The following MECOM variants were observed in gnomAD, a reference collection of about 807,000 sequenced individuals.
MECOM encodes histone-lysine N-methyltransferase MECOM.
Under a neutral mutation model 116.3 loss-of-function variants are expected in MECOM, and 13 were observed. The observed-to-expected ratio is 0.11, with a 90% CI of 0.07 to 0.18. MECOM has a LOEUF of 0.18. Among genes scored for constraint, MECOM ranks in the 10% least tolerant of loss-of-function variants. MECOM has a pLI of 1.00. For synonymous variants in MECOM, 528 were observed against 535.2 expected, an observed-to-expected ratio of 0.99 and a Z score of 0.19; for missense variants, 1,299 against 1,509.0, an observed-to-expected ratio of 0.86 and a Z score of 2.31.
At chr3:169,635,831 A>G (rs1772678845) in intron 1 of MECOM, among the ~76,000 whole-genome samples, 3 of 152,220 alleles carry the variant, frequency 2.0e-5, no homozygotes, top group African/African-American at 2.4e-5. Context: ...ATAATGCCAG[A>G]TTTTTAGAAG....
rs577854588 is a variant in MECOM at position 169,534,796 on chromosome 3, G to C, written c.37+128540C>G. Among the ~76,000 whole-genome samples, 33 of 152,236 alleles carry C rather than the reference G, an allele frequency of 2.2e-4. 1 individual carries two copies. The highest frequency in any genetic ancestry group is 7.2e-4 in the African/African-American group (30 of 41,538). On this transcript the variant is annotated intron_variant, in intron 1 of 16. Coordinates refer to ENST00000651503, the MANE Select transcript of MECOM (RefSeq NM_004991.4). ...GAGGAGGAAACTGAGGAACAAAAAGGCTAGACCACTTGTACAAGTGGGATG... is the reference window on the plus strand; with the variant it reads ...GAGGAGGAAACTGAGGAACAAAAAGCCTAGACCACTTGTACAAGTGGGATG...
intron 2 of MECOM, among the ~76,000 whole-genome samples, chr3:169,280,061 A>G (rs1346467514): frequency 6.6e-6 from 1 of 152,232 alleles, no homozygotes; most frequent in Non-Finnish European, 1.5e-5. Flanking sequence ...TGGGCCAGCT[A>G]ACATTATCAG....
Position 169,511,633 on chromosome 3 carries a change from G to A in MECOM, c.38-130109C>T, listed in dbSNP as rs577968081. 3.9e-5 allele frequency among the ~76,000 whole-genome samples: 6 copies of A among 152,096 alleles called. No individual in the cohort carries two copies. The East Asian group carries it at 1.2e-3, about 29-fold the overall frequency. ...ACGAAAATTAGCTGGGTGTGATGGT[G>A]GGCGCTTGTAGTCCCAGCTACTCAA... On this transcript the variant is annotated intron_variant, in intron 1 of 16. Transcript: ENST00000651503.
chr3:169,139,213 G>A (rs1577125943), intron 3 of MECOM, among the ~76,000 whole-genome samples: 1 of 151,920 alleles, frequency 6.6e-6, no homozygotes, highest in Admixed American at 6.6e-5. Context: ...ATCTCTTATC[G>A]ACACATTTCT....
At chr3:169,586,670 T>A (rs1765813424) in intron 1 of MECOM, among the ~76,000 whole-genome samples, 1 of 152,246 alleles carries the variant, frequency 6.6e-6, no homozygotes, top group Non-Finnish European at 1.5e-5. Context: ...CCCCTAGGAA[T>A]ATATAATTTC....
intron 2 of MECOM, among the ~76,000 whole-genome samples, chr3:169,310,804 A>G (rs1718606690): frequency 6.6e-6 from 1 of 152,164 alleles, no homozygotes; most frequent in South Asian, 2.1e-4. Context: ...TTCCTAACAG[A>G]CATAGCTGTG....
At chr3:169,588,934 A>G (rs1018054839) in intron 1 of MECOM, among the ~76,000 whole-genome samples, 2 of 152,138 alleles carry the variant, frequency 1.3e-5, no homozygotes, top group South Asian at 2.1e-4. Flanking sequence ...AAATTTGGAA[A>G]TCTTTTAGGT....
chr3:169,370,203 C>T (rs554552020), intron 2 of MECOM, among the ~76,000 whole-genome samples: 3 of 151,858 alleles, frequency 2.0e-5, no homozygotes, highest in African/African-American at 4.8e-5. Flanking sequence ...AATAGAAAGC[C>T]GAGAAACAAA....
rs1399541152 is a variant in MECOM, at chr3:169,642,128, T to C, written c.37+21208A>G. Among the ~76,000 whole-genome samples the C allele has an allele frequency of 2.0e-5, 3 of 152,204 alleles. No homozygotes were observed. In the East Asian group the frequency reaches 5.8e-4, roughly 29 times the overall value. On this transcript the variant is annotated intron_variant, in intron 1 of 16. Transcript: ENST00000651503. ...CACTAGTAAAGGCCTTCCCATTTAT[T>C]AATCATATATTTCATTTCAGCAAAG...
rs1156547857 is a variant in MECOM at position 169,663,390 on chromosome 3, A to C, written c.-18T>G. 4 of 1,607,940 alleles carry C rather than the reference A, an allele frequency of 2.5e-6. No individual in the cohort carries two copies. The South Asian group carries it at 4.5e-5, about 18-fold the overall frequency. ...GATCTCATGCTGTGCCCAGTCCTGC[A>C]GCCGCTGGTGTGTGGTTGGGGCTTT... On this transcript the variant is annotated 5_prime_UTR_variant, in exon 1 of 17. Transcript: ENST00000651503.
At chr3:169,152,973 T>G (rs1343335255) in intron 2 of MECOM, among the ~76,000 whole-genome samples, 1 of 152,222 alleles carries the variant, frequency 6.6e-6, no homozygotes, top group Admixed American at 6.5e-5. Flanking sequence ...ACAACCGCTC[T>G]GGTGAATAAA....
At chr3:169,198,313 T>C (rs1295144094) in intron 2 of MECOM, among the ~76,000 whole-genome samples, 1 of 151,986 alleles carries the variant, frequency 6.6e-6, no homozygotes, top group African/African-American at 2.4e-5. Context: ...TATATCAAAC[T>C]TTCACTTCAC....
chr3:169,119,892 T>C (rs1284629893), intron 7 of MECOM, among the ~76,000 whole-genome samples: 2 of 152,080 alleles, frequency 1.3e-5, no homozygotes, highest in East Asian at 3.9e-4. Flanking sequence ...GAAGAGCATA[T>C]GAGCAAAACA....
chr3:169,593,874 T>G (rs770417622), intron 1 of MECOM, among the ~76,000 whole-genome samples: 9 of 152,136 alleles, frequency 5.9e-5, no homozygotes, highest in Non-Finnish European at 1.2e-4. Context: ...ATCCTGGCAC[T>G]CTGGGACACC....
chr3:169,143,072 T>G (rs1738625381), intron 3 of MECOM, among the ~76,000 whole-genome samples: 3 of 152,060 alleles, frequency 2.0e-5, no homozygotes, highest in Non-Finnish European at 4.4e-5. Flanking sequence ...TTTCATGATC[T>G]TTATTTCACA....
At chr3:169,109,185 T>C (rs569273728) in intron 9 of MECOM, among the ~76,000 whole-genome samples, 8 of 152,296 alleles carry the variant, frequency 5.3e-5, no homozygotes, top group African/African-American at 1.9e-4. Flanking sequence ...ATTCAACTCC[T>C]TTTCAAAATT....
chr3:169,090,037 T>C lies in MECOM; in HGVS notation c.3364A>G (p.Ser1122Gly), dbSNP rs1211886872. The change falls in exon 15 of 17, where the codon AGT becomes GGT. Residue 1122 changes from serine to glycine, a missense_variant. By Grantham distance (56) the Ser-to-Gly change is moderately conservative. Around this residue, in one of 6 missense-constraint regions of MECOM, gnomAD observed 273 missense variants for 289.3 expected, o/e 0.94. Coordinates refer to ENST00000651503, the MANE Select transcript of MECOM (RefSeq NM_004991.4). ...GNPEDDYEET[S>G]ALEMSCKTSP... Reference sequence around the variant, plus strand: ...GTCTTGCAACTCATCTCCAGGGCACTGGTTTCTTCATAGTCATCCTCAGGG... The same window carrying C: ...GTCTTGCAACTCATCTCCAGGGCACCGGTTTCTTCATAGTCATCCTCAGGG... The C allele has an allele frequency of 6.2e-7, 1 of 1,613,552 alleles. No homozygotes were observed. The highest frequency in any genetic ancestry group is 1.7e-5 in the Admixed American group (1 of 59,958).
intron 2 of MECOM, chr3:169,146,229 C>A: frequency 8.9e-7 from 1 of 1,117,512 alleles, no homozygotes; most frequent in Non-Finnish European, 1.1e-6. Context: ...TCCCCACAAT[C>A]TAGCCAAAGG....
At chr3:169,376,072 A>G (rs1035050496) in intron 2 of MECOM, among the ~76,000 whole-genome samples, 1 of 152,130 alleles carries the variant, frequency 6.6e-6, no homozygotes, top group Admixed American at 6.6e-5. Context: ...GAACCATGAA[A>G]AAAAACACAG....
Sources: gnomAD v4.1 joint callset for allele counts (sites outside exome capture counted in the v4.1 genomes callset) on GRCh38, gnomAD v4.1.1 for gene constraint, gnomAD v4.1.1 regional missense constraint, MANE v1.5 for transcripts, NCBI Gene and HGNC (gene_info 2026-07-23, HGNC 2026-07-21) for gene names.